CYB5A: variants seen among roughly 807,000 people sequenced by gnomAD.
CYB5A encodes cytochrome b5.
In CYB5A, 10 loss-of-function variants were observed where a neutral mutation model predicts 16.2. The observed-to-expected ratio is 0.62, with a 90% confidence interval of 0.38 to 1.04. The LOEUF (loss-of-function observed/expected upper bound fraction) is 1.04. Ranked by LOEUF, CYB5A falls within the 50% of genes least tolerant of loss-of-function variation. The pLI is 0.01. For synonymous variants in CYB5A, 62 were observed against 57.0 expected (o/e 1.09, Z -0.40); for missense variants, 161 against 165.9 (o/e 0.97, Z 0.16).
At chr18:74,266,962 ATAACTCATC>A (rs1020538130) in intron 1 of CYB5A, among the ~76,000 whole-genome samples, 1 of 152,196 alleles carries the variant, frequency 6.6e-6, no homozygotes, top group African/African-American at 2.4e-5. Flanking sequence ...TTTGGAAAAA[ATAACTCATC>A]TTGATAAGAC....
At position 74,252,647 on chromosome 18, in the gene CYB5A, G is replaced by A. The variant is rs747357029; in HGVS notation, c.*937C>T. Reference sequence around the variant, plus strand: ...CCTCTCATGGTTCATGTGTTTTTAAGTTGCTGATGTTTTTCAATCAGTGAA... The same window carrying A: ...CCTCTCATGGTTCATGTGTTTTTAAATTGCTGATGTTTTTCAATCAGTGAA... On this transcript the variant is annotated 3_prime_UTR_variant, in exon 5 of 5. Transcript: ENST00000340533. The A allele has an allele frequency of 1.3e-5, 2 of 152,200 alleles. No individual in the cohort carries two copies. Among genetic ancestry groups the A allele is most frequent in the Non-Finnish European group, 2.9e-5 (2 of 68,050 alleles). 9.4% of individuals were successfully genotyped at this position (152,200 alleles called of 1,614,324 possible).
chr18:74,289,705 G>A (rs1267325912), intron 1 of CYB5A, among the ~76,000 whole-genome samples: 8 of 151,526 alleles, frequency 5.3e-5, no homozygotes, highest in African/African-American at 1.9e-4. Flanking sequence ...GAACCCAGGA[G>A]GCAGAGGTTG....
At chr18:74,281,417 G>T (rs550214056) in intron 1 of CYB5A, among the ~76,000 whole-genome samples, 2 of 152,282 alleles carry the variant, frequency 1.3e-5, no homozygotes, top group African/African-American at 4.8e-5. Context: ...GCCCCAGGGG[G>T]GCCCTCCAAT....
chr18:74,264,970 T>C (rs946312722), intron 1 of CYB5A, among the ~76,000 whole-genome samples: 2 of 151,850 alleles, frequency 1.3e-5, no homozygotes, highest in Non-Finnish European at 2.9e-5. Context: ...AAAACTTCTT[T>C]AACTGAGCTT....
chr18:74,291,615 A>C (rs1194048959), intron 1 of CYB5A, 132 bp downstream of exon 1: 1 of 1,353,992 alleles, frequency 7.4e-7, no homozygotes, highest in Non-Finnish European at 1.0e-6. Context: ...GTACACGCGC[A>C]GGTGAGCGAA....
Position 74,291,750 on chromosome 18 carries a change from T to C in CYB5A, c.126A>G (p.Glu42=), listed in dbSNP as rs759981028. The change falls in exon 1 of 5, where the codon GAA becomes GAG. Residue 42 remains glutamate (E), a synonymous_variant. Coordinates refer to ENST00000340533, the MANE Select transcript of CYB5A (RefSeq NM_148923.4). ...HKVYDLTKFL[E]EHPGGEEVLR... ...AAGCCGCTCATCCCCAACTCACCTCTTCCAGAAATTTGGTCAAATCGTACA... is the reference window on the plus strand; with the variant it reads ...AAGCCGCTCATCCCCAACTCACCTCCTCCAGAAATTTGGTCAAATCGTACA... The C allele has an allele frequency of 2.5e-6, 4 of 1,613,714 alleles. No individual in the cohort carries two copies. The African/African-American group carries it at 5.3e-5, about 22-fold the overall frequency.
chr18:74,286,339 T>A (rs967474019), intron 1 of CYB5A, among the ~76,000 whole-genome samples: 2 of 152,258 alleles, frequency 1.3e-5, no homozygotes, highest in African/African-American at 2.4e-5. Flanking sequence ...CACACATTCC[T>A]GAACAATTAT....
intron 4 of CYB5A, 32 bp from the exon 5 acceptor site, chr18:74,253,697 A>G (rs1981855362): frequency 1.4e-6 from 2 of 1,460,918 alleles, no homozygotes; most frequent in African/African-American, 1.4e-5. Context: ...TGATGCTGAC[A>G]TGATGTGCAC....
intron 1 of CYB5A, among the ~76,000 whole-genome samples, chr18:74,269,353 C>A (rs761829835): frequency 6.6e-6 from 1 of 152,194 alleles, no homozygotes; most frequent in Non-Finnish European, 1.5e-5. Flanking sequence ...TGATCGTCTA[C>A]GTGTCTAAAC....
intron 1 of CYB5A, among the ~76,000 whole-genome samples, chr18:74,281,913 C>T (rs80318483): frequency 0.029 from 4,454 of 151,836 alleles, 185 homozygotes; most frequent in East Asian, 0.18. Context: ...CTGGAGGGGC[C>T]TGGTTTATAC....
Position 74,289,118 on chromosome 18 carries a change from G to A in CYB5A, c.129+2629C>T, listed in dbSNP as rs564895413. ...CCTCACTCACGCCATCCTCCTAGCCGTTCCAGGGGTCAGCCACCCTCTTGT... is the reference window on the plus strand; with the variant it reads ...CCTCACTCACGCCATCCTCCTAGCCATTCCAGGGGTCAGCCACCCTCTTGT... On this transcript the variant is annotated intron_variant, in intron 1 of 4. Coordinates refer to ENST00000340533, the MANE Select transcript of CYB5A (RefSeq NM_148923.4). 7.9e-5 allele frequency among the ~76,000 whole-genome samples: 12 copies of A among 152,282 alleles called. No individual in the cohort carries two copies. The South Asian group carries it at 1.0e-3, about 13-fold the overall frequency.
intron 1 of CYB5A, among the ~76,000 whole-genome samples, chr18:74,281,712 A>ATCCT (rs1022146074): frequency 1.4e-5 from 2 of 147,106 alleles, no homozygotes; most frequent in African/African-American, 5.1e-5. Flanking sequence ...AAATGAGGAA[A>ATCCT]TCCTGGAGGG....
intron 1 of CYB5A, among the ~76,000 whole-genome samples, chr18:74,280,594 AG>A (rs1983059948): frequency 6.6e-6 from 1 of 151,268 alleles, no homozygotes; most frequent in African/African-American, 2.4e-5. Flanking sequence ...AAAAAAAAAA[AG>A]TTTTACATTT....
In CYB5A at chr18:74,278,640, T is replaced by C. The variant is rs138504915; in HGVS notation, c.129+13107A>G. Among the ~76,000 whole-genome samples, 1,379 of 152,290 alleles carry C rather than the reference T, an allele frequency of 9.1e-3. 34 individuals are homozygous for C. The highest frequency in any genetic ancestry group is 7.9e-3 in the Non-Finnish European group (538 of 68,020). ...ACACATTCACAGAAACATCCTATGA[T>C]AAAAATAATAGACATTTCTACATGA... On this transcript the variant is annotated intron_variant, in intron 1 of 4. Transcript: ENST00000340533.
intron 1 of CYB5A, among the ~76,000 whole-genome samples, chr18:74,287,980 C>T (rs1432885956): frequency 6.6e-6 from 1 of 152,038 alleles, no homozygotes; most frequent in African/African-American, 2.4e-5. Flanking sequence ...CAAATATAAA[C>T]TCAAAAACTA....
At chr18:74,283,234 C>T (rs973766319) in intron 1 of CYB5A, among the ~76,000 whole-genome samples, 3 of 152,192 alleles carry the variant, frequency 2.0e-5, no homozygotes, top group African/African-American at 7.2e-5. Flanking sequence ...TTTATCAGAG[C>T]AGGAACCTCC....
intron 1 of CYB5A, among the ~76,000 whole-genome samples, chr18:74,289,155 G>A (rs189350805): frequency 5.9e-4 from 90 of 152,222 alleles, no homozygotes; most frequent in African/African-American, 1.9e-3. Context: ...CATTTTATTT[G>A]AGATGCATTC....
chr18:74,266,518 T>TGTC (rs1249160701), intron 1 of CYB5A, among the ~76,000 whole-genome samples: 5 of 152,184 alleles, frequency 3.3e-5, no homozygotes, highest in African/African-American at 9.7e-5. Context: ...ATTGCAGACT[T>TGTC]AGACAAGTTT....
At position 74,251,761 on chromosome 18, in the gene CYB5A, A is replaced by T. The variant is rs113908752; in HGVS notation, c.*1823T>A. 2.6e-5 allele frequency: 4 copies of T among 152,350 alleles called. No individual in the cohort carries two copies. Among genetic ancestry groups the T allele is most frequent in the African/African-American group, 9.6e-5 (4 of 41,584 alleles). The allele number at this position is 152,350 out of a possible 1,614,324, so 9.4% of individuals were successfully genotyped here. A position where few individuals can be genotyped will look rare whatever the true frequency, so the allele number is the denominator to read the frequency against. The stretch of plus-strand genomic sequence containing the variant: ...TAGGAAGTAAACTCTCCTTTACTCC[A>T]CATGTTGTTCCCAAAACACATGAAG... On this transcript the variant is annotated 3_prime_UTR_variant, in exon 5 of 5. Transcript: ENST00000340533.
Sources: gnomAD v4.1 joint callset for allele counts (sites outside exome capture counted in the v4.1 genomes callset) on GRCh38, gnomAD v4.1.1 for gene constraint, MANE v1.5 for transcripts, NCBI Gene and HGNC (gene_info 2026-07-23, HGNC 2026-07-21) for gene names.